DISC1: variants seen among roughly 807,000 people sequenced by gnomAD.
The protein encoded by DISC1 is disrupted in schizophrenia 1 protein.
A neutral mutation model predicts 84.5 loss-of-function variants in DISC1; 57 were observed. That is an observed-to-expected ratio of 0.67 (90% CI 0.55 to 0.84). The LOEUF is 0.84. Ranked by LOEUF, DISC1 falls within the 40% of genes least tolerant of loss-of-function variation. DISC1 has a pLI of 0.00. For synonymous variants in DISC1, 411 were observed against 415.2 expected (o/e 0.99, Z 0.12); for missense variants, 1,000 against 1,057.8 (o/e 0.95, Z 0.76).
At chr1:231,867,133 T>C (rs2085119694) in intron 9 of DISC1, among the ~76,000 whole-genome samples, 1 of 152,208 alleles carries the variant, frequency 6.6e-6, no homozygotes, top group Non-Finnish European at 1.5e-5. Flanking sequence ...AATACCCACC[T>C]TGCTGGTATT....
At chr1:231,855,142 T>A in intron 9 of DISC1, 1 of 1,014,022 alleles carries the variant, frequency 9.9e-7, no homozygotes, top group South Asian at 3.8e-5. Context: ...TGGTTTTCAA[T>A]GTTGATGCAG....
chr1:231,705,844 G>A (rs1474355844), intron 3 of DISC1, among the ~76,000 whole-genome samples: 1 of 152,098 alleles, frequency 6.6e-6, no homozygotes, highest in Non-Finnish European at 1.5e-5. Flanking sequence ...GCCCTGTTCT[G>A]TCTCAGGGGA....
rs964624883 is a variant in DISC1 at position 231,824,474 on chromosome 1, C to G, written c.1981+5957C>G. ...GATTACATTATCACTTTATCAGGACCCTGACTAAATCTGTTTGTGTTTTTA... is the reference window on the plus strand; with the variant it reads ...GATTACATTATCACTTTATCAGGACGCTGACTAAATCTGTTTGTGTTTTTA... On this transcript the variant is annotated intron_variant, in intron 9 of 12. Coordinates refer to ENST00000439617, the MANE Select transcript of DISC1 (RefSeq NM_018662.3). Among the ~76,000 whole-genome samples, 13 of 152,176 alleles carry G rather than the reference C, an allele frequency of 8.5e-5. No individual in the cohort carries two copies. The East Asian group carries it at 1.7e-3, about 20-fold the overall frequency.
intron 9 of DISC1, among the ~76,000 whole-genome samples, chr1:231,948,453 C>T (rs900231890): frequency 1.3e-5 from 2 of 151,844 alleles, no homozygotes; most frequent in African/African-American, 2.4e-5. Flanking sequence ...CGGGGCCTGT[C>T]GGGTGGTGGG....
At chr1:232,023,716 T>G (rs1669179845) in intron 11 of DISC1, among the ~76,000 whole-genome samples, 1 of 152,120 alleles carries the variant, frequency 6.6e-6, no homozygotes, top group Non-Finnish European at 1.5e-5. Context: ...GAAGATTGAG[T>G]CATTTGATTT....
At chr1:231,992,722 A>T (rs970685076) in intron 10 of DISC1, among the ~76,000 whole-genome samples, 1 of 152,188 alleles carries the variant, frequency 6.6e-6, no homozygotes, top group African/African-American at 2.4e-5. Context: ...ATCCATTGGG[A>T]TCACTTATAA....
At chr1:231,939,018 G>A (rs984350084) in intron 9 of DISC1, among the ~76,000 whole-genome samples, 11 of 152,060 alleles carry the variant, frequency 7.2e-5, no homozygotes, top group Non-Finnish European at 1.3e-4. Context: ...GGTCGCCTCC[G>A]ACCACCCAAT....
intron 3 of DISC1, among the ~76,000 whole-genome samples, chr1:231,735,024 G>T (rs924949577): frequency 6.6e-6 from 1 of 152,122 alleles, no homozygotes; most frequent in Admixed American, 6.5e-5. Context: ...TAAGTAACTT[G>T]TAGGTTATTT....
intron 3 of DISC1, among the ~76,000 whole-genome samples, chr1:231,705,060 G>A (rs111725228): frequency 6.6e-6 from 1 of 151,622 alleles, no homozygotes; most frequent in African/African-American, 2.4e-5. Flanking sequence ...AGACCAAGGC[G>A]GGTGGATCAT....
intron 4 of DISC1, among the ~76,000 whole-genome samples, chr1:231,762,563 C>G (rs887488725): frequency 3.5e-5 from 5 of 143,316 alleles, no homozygotes; most frequent in Admixed American, 7.3e-5. Context: ...CTTGCCCAGG[C>G]TGGACTAGAA....
chr1:231,943,472 G>A (rs1461237958), intron 9 of DISC1, among the ~76,000 whole-genome samples: 5 of 152,208 alleles, frequency 3.3e-5, no homozygotes, highest in Admixed American at 6.5e-5. Flanking sequence ...GTTATCTGAT[G>A]CCAGGGGCAA....
At chr1:231,794,113 G>T (rs1050194136) in intron 6 of DISC1, among the ~76,000 whole-genome samples, 1 of 152,166 alleles carries the variant, frequency 6.6e-6, no homozygotes, top group African/African-American at 2.4e-5. Context: ...AAACATTATA[G>T]ATACAGATAG....
chr1:231,647,585 A>G (rs1288042616), intron 1 of DISC1, among the ~76,000 whole-genome samples: 1 of 152,126 alleles, frequency 6.6e-6, no homozygotes, highest in African/African-American at 2.4e-5. Context: ...GTTTTTTCCA[A>G]TTCTGTGAAG....
At chr1:231,664,582 A>T (rs1006145348) in intron 1 of DISC1, among the ~76,000 whole-genome samples, 22 of 152,302 alleles carry the variant, frequency 1.4e-4, no homozygotes, top group Non-Finnish European at 3.1e-4. Context: ...GAGAGATTTG[A>T]AGATGCTCAA....
At chr1:231,781,299 T>C (rs1037604379) in intron 6 of DISC1, among the ~76,000 whole-genome samples, 19 of 152,176 alleles carry the variant, frequency 1.2e-4, no homozygotes, top group African/African-American at 4.3e-4. Context: ...TAATGTATTT[T>C]AATATTTTAC....
At chr1:231,986,521 C>G (rs1664467266) in intron 10 of DISC1, among the ~76,000 whole-genome samples, 1 of 152,106 alleles carries the variant, frequency 6.6e-6, no homozygotes, top group African/African-American at 2.4e-5. Context: ...GCCGTAACAT[C>G]CCTTTGTTCA....
intron 9 of DISC1, among the ~76,000 whole-genome samples, chr1:231,912,188 G>T (rs562700034): frequency 6.6e-6 from 1 of 152,282 alleles, no homozygotes; most frequent in Admixed American, 6.5e-5. Context: ...ACTTGTCAAA[G>T]TCATTCTCCG....
intron 9 of DISC1, among the ~76,000 whole-genome samples, chr1:231,950,202 T>TTTGTG (rs1026268258): frequency 8.7e-5 from 8 of 91,646 alleles, no homozygotes; most frequent in Non-Finnish European, 1.6e-4. Flanking sequence ...TGAAAAAAAA[T>TTTGTG]TCTGTGTGTG....
chr1:231,712,574 A>G (rs2068016744), intron 3 of DISC1, among the ~76,000 whole-genome samples: 1 of 152,248 alleles, frequency 6.6e-6, no homozygotes, highest in Non-Finnish European at 1.5e-5. Context: ...CTCTTGTCCC[A>G]GCCTTCTCTC....
Sources: gnomAD v4.1 joint callset for allele counts (sites outside exome capture counted in the v4.1 genomes callset) on GRCh38, gnomAD v4.1.1 for gene constraint, MANE v1.5 for transcripts, NCBI Gene and HGNC (gene_info 2026-07-23, HGNC 2026-07-21) for gene names.